CYP4F2: variants seen among roughly 807,000 people sequenced by gnomAD.
CYP4F2 encodes the protein cytochrome P450 4F2.
A neutral mutation model predicts 58.9 loss-of-function variants in CYP4F2; 58 were observed. That is an observed-to-expected ratio of 0.98 (90% CI 0.80 to 1.23). The LOEUF is 1.23. Among genes scored for constraint, CYP4F2 ranks in the 50% most tolerant of loss-of-function variants. CYP4F2 has a pLI of 0.00. For synonymous variants in CYP4F2, 287 were observed against 261.1 expected (o/e 1.10, Z -0.95); for missense variants, 616 against 685.6 (o/e 0.90, Z 1.13).
chr19:15,886,160 G>A, intron 8 of CYP4F2, 82 bp downstream of exon 8: 3 of 1,608,448 alleles, frequency 1.9e-6, no homozygotes, highest in East Asian at 4.5e-5. Flanking sequence ...AGGGGGATGG[G>A]AAGGTTGTGG....
At chr19:15,879,550 C>G in intron 11 of CYP4F2, 54 bp downstream of exon 11, 1 of 1,610,876 alleles carries the variant, frequency 6.2e-7, no homozygotes, top group Non-Finnish European at 8.5e-7. Context: ...CAAAACCCTG[C>G]CCCCTCCTCT....
chr19:15,888,369 T>C (rs111212006), intron 7 of CYP4F2, among the ~76,000 whole-genome samples: 12 of 145,998 alleles, frequency 8.2e-5, no homozygotes, highest in African/African-American at 2.8e-4. Flanking sequence ...CACACGCACA[T>C]AGACAAAGTC....
At chr19:15,882,564 TG>T (rs2089352287) in intron 9 of CYP4F2, among the ~76,000 whole-genome samples, 1 of 90,778 alleles carries the variant, frequency 1.1e-5, no homozygotes, top group Non-Finnish European at 2.4e-5. Flanking sequence ...AACATCACAT[TG>T]TACCTCTAAT....
intron 3 of CYP4F2, among the ~76,000 whole-genome samples, chr19:15,893,509 C>T (rs1394075810): frequency 1.3e-5 from 2 of 152,138 alleles, no homozygotes; most frequent in African/African-American, 4.8e-5. Flanking sequence ...GTAACCAGGA[C>T]CCAGGTGTAA....
rs531927597 is a variant in CYP4F2 at position 15,895,537 on chromosome 19, G to A, written c.312C>T (p.Pro104=). 3.1e-5 allele frequency: 48 copies of A among 1,543,338 alleles called. No homozygotes were observed. The South Asian group carries it at 3.7e-4, about 12-fold the overall frequency. The change falls in exon 3 of 13, where the codon CCC becomes CCT. Residue 104 remains proline, a synonymous_variant. Coordinates refer to ENST00000221700, the MANE Select transcript of CYP4F2 (RefSeq NM_001082.5). ...PISPLLSLCH[P]DIIRSVINAS... ...CGTTGATGACAGACCGGATGATGTC[G>A]GGGTGGCACAAACTGAGGAGGGGGG...
intron 9 of CYP4F2, among the ~76,000 whole-genome samples, chr19:15,885,084 G>GCT (rs757321694): frequency 1.9e-4 from 28 of 150,106 alleles, no homozygotes; most frequent in Non-Finnish European, 3.4e-4. Flanking sequence ...TCCTGACCCT[G>GCT]CTCTCTCTCT....
chr19:15,879,537 G>A (rs1475430369), intron 11 of CYP4F2, 67 bp downstream of exon 11: 2 of 1,609,980 alleles, frequency 1.2e-6, no homozygotes, highest in Non-Finnish European at 1.7e-6. Context: ...GGATACTCCT[G>A]ATCAAAACCC....
intron 3 of CYP4F2, among the ~76,000 whole-genome samples, chr19:15,894,283 T>A (rs1334984849): frequency 6.6e-6 from 1 of 152,052 alleles, no homozygotes. Flanking sequence ...AAACAGTAGC[T>A]CTGGAAGACC....
chr19:15,896,396 A>G (rs2089448931), intron 2 of CYP4F2, among the ~76,000 whole-genome samples: 1 of 152,174 alleles, frequency 6.6e-6, no homozygotes, highest in South Asian at 2.1e-4. Context: ...CTGTCCACTC[A>G]CAGAGGCCCA....
intron 3 of CYP4F2, among the ~76,000 whole-genome samples, chr19:15,895,115 C>G (rs1045149288): frequency 6.6e-6 from 1 of 152,202 alleles, no homozygotes; most frequent in African/African-American, 2.4e-5. Flanking sequence ...AGTAACTCCT[C>G]CTCTAGGAAG....
Position 15,889,512 on chromosome 19 carries a change from T to C in CYP4F2, c.829A>G (p.Thr277Ala), listed in dbSNP as rs375906348. 7 of 1,613,892 alleles carry C rather than the reference T, an allele frequency of 4.3e-6. No homozygotes were observed. Among genetic ancestry groups the C allele is most frequent in the Non-Finnish European group, 5.9e-6 (7 of 1,180,012 alleles). Residue 277 changes from threonine (T) to alanine (A), a missense_variant, in exon 7 of 13, where the codon ACT becomes GCT. Transcript: ENST00000221700. ...TDAVIQERRRTLPSQGVDDFL... is the reference protein window; with the variant it reads ...TDAVIQERRRALPSQGVDDFL... ...TCATCAACACCCTGGCTAGGGAGAGTGCGGCGCCGCTCCTGGATGACGGCA... is the reference window on the plus strand; with the variant it reads ...TCATCAACACCCTGGCTAGGGAGAGCGCGGCGCCGCTCCTGGATGACGGCA...
intron 9 of CYP4F2, among the ~76,000 whole-genome samples, chr19:15,880,145 C>T (rs558605196): frequency 6.6e-6 from 1 of 152,286 alleles, no homozygotes; most frequent in South Asian, 2.1e-4. Flanking sequence ...TTGATAAAGA[C>T]AGCCCCTGCT....
At chr19:15,885,194 C>T (rs1305073179) in intron 9 of CYP4F2, among the ~76,000 whole-genome samples, 3 of 151,788 alleles carry the variant, frequency 2.0e-5, no homozygotes, top group Non-Finnish European at 4.4e-5. Flanking sequence ...AGAGCACTGC[C>T]CCCCAACTGT....
Position 15,890,430 on chromosome 19 carries a change from T to G in CYP4F2, c.529A>C (p.Lys177Gln). 6.2e-7 allele frequency: 1 copy of G among 1,613,968 alleles called. No homozygotes were observed. Among genetic ancestry groups the G allele is most frequent in the Non-Finnish European group, 8.5e-7 (1 of 1,179,920 alleles). Residue 177 changes from lysine (K) to glutamine (Q), a missense_variant, in exon 6 of 13, where the codon AAG (lysine) becomes CAG (glutamine). Physicochemically the swap from Lys to Gln is moderately conservative, Grantham distance 53. Coordinates refer to ENST00000221700, the MANE Select transcript of CYP4F2 (RefSeq NM_001082.5). Reference sequence around the variant, plus strand: ...CCCTCTGAGGCCAGGAGCTGCCACTTGGCCTAGCCAGAGAAGGGGACAGAG... The same window carrying G: ...CCCTCTGAGGCCAGGAGCTGCCACTGGGCCTAGCCAGAGAAGGGGACAGAG... ...FNESVNIMHA[K>Q]WQLLASEGSA...
In CYP4F2 at chr19:15,878,894, C is replaced by G; in HGVS notation, c.1440G>C (p.Val480=). Residue 480 remains valine, a synonymous_variant, in exon 13 of 13, where the codon GTG becomes GTC. Transcript: ENST00000221700. The part of the protein sequence containing the change: ...GQTFAMAEMK[V]VLALTLLRFR... ...AGCGCAGCAGCGTGAGCGCCAGGAC[C>G]ACCTTCATCTCCGCCATCGCGAACG... 2 of 1,614,078 alleles carry G rather than the reference C, an allele frequency of 1.2e-6. No homozygotes were observed. Among genetic ancestry groups the G allele is most frequent in the South Asian group, 2.2e-5 (2 of 91,058 alleles).
chr19:15,892,259 G>T (rs764230300), intron 5 of CYP4F2, 50 bp downstream of exon 5: 7 of 1,611,964 alleles, frequency 4.3e-6, no homozygotes, highest in Admixed American at 1.7e-5. Flanking sequence ...TCTCTCTGTT[G>T]TCCTTTCACC....
At position 15,898,053 on chromosome 19, in the gene CYP4F2, C is replaced by A. The variant is rs3093093; in HGVS notation, c.-29G>T. The A allele has an allele frequency of 2.6e-4, 51 of 195,414 alleles. No homozygotes were observed. Among genetic ancestry groups the A allele is most frequent in the Non-Finnish European group, 4.0e-4 (39 of 96,994 alleles). 12.1% of individuals were successfully genotyped at this position (195,414 alleles called of 1,614,324 possible). A position where few individuals can be genotyped will look rare whatever the true frequency, so the allele number is the denominator to read the frequency against. On this transcript the variant is annotated 5_prime_UTR_variant, in exon 1 of 13. Transcript: ENST00000221700. ...TCTGTCAGGAGCAGTCTGTCCCAGACAACCTCCTCTCTCTGTCTGCTGGGA... is the reference window on the plus strand; with the variant it reads ...TCTGTCAGGAGCAGTCTGTCCCAGAAAACCTCCTCTCTCTGTCTGCTGGGA...
intron 2 of CYP4F2, 47 bp from the exon 3 acceptor site, chr19:15,895,697 G>T: frequency 6.4e-7 from 1 of 1,572,996 alleles, no homozygotes; most frequent in Non-Finnish European, 8.6e-7. Context: ...GTTAATTCTA[G>T]GTGTCTACTT....
Position 15,878,657 on chromosome 19 carries a change from A to G in CYP4F2, c.*114T>C. The G allele has an allele frequency of 1.6e-6, 2 of 1,277,214 alleles. No homozygotes were observed. Among genetic ancestry groups the G allele is most frequent in the South Asian group, 1.6e-5 (1 of 63,842 alleles). 79.1% of individuals were successfully genotyped at this position (1,277,214 alleles called of 1,614,324 possible). On this transcript the variant is annotated 3_prime_UTR_variant, in exon 13 of 13. Coordinates refer to ENST00000221700, the MANE Select transcript of CYP4F2 (RefSeq NM_001082.5). ...AACACTTGTCTCAATTATTTTGAGT[A>G]GATATCTAGGATGGAATACAGGACT...
Sources: allele counts gnomAD v4.1 joint callset (sites outside exome capture counted in the v4.1 genomes callset), GRCh38; gene constraint gnomAD v4.1.1; transcripts MANE v1.5; gene names NCBI Gene and HGNC (gene_info 2026-07-23, HGNC 2026-07-21).